HLA-DPA1: variants seen among roughly 807,000 people sequenced by gnomAD.
HLA-DPA1 encodes the protein HLA class II histocompatibility antigen, DP alpha 1 chain.
Under a neutral mutation model 21.5 loss-of-function variants are expected in HLA-DPA1, and 20 were observed. The ratio of observed to expected loss-of-function variants is 0.93; its 90% CI spans 0.66 to 1.35. The LOEUF (loss-of-function observed/expected upper bound fraction) is 1.35. HLA-DPA1 is among the 40% of genes most tolerant of loss of function. The pLI is 0.00. For synonymous variants in HLA-DPA1, 123 were observed against 129.6 expected, an observed-to-expected ratio of 0.95 and a Z score of 0.35; for missense variants, 279 against 323.0, an observed-to-expected ratio of 0.86 and a Z score of 1.05.
intron 5 of HLA-DPA1, chr6:33,067,079 A>G (rs1026645639): frequency 2.0e-5 from 3 of 152,190 alleles, no homozygotes; most frequent in Non-Finnish European, 4.4e-5. Flanking sequence ...CATTCCAGGG[A>G]TGCAGGTCAG....
chr6:33,068,669 C>CG lies in HLA-DPA1; in HGVS notation c.763dup (p.Arg255ProfsTer22). Reference sequence around the variant, plus strand: ...AGTATTTCACAGGGTCCCCTGGGCCCGGGGGTCATGGCCAGAACGCAGAGA... The same window carrying CG: ...AGTATTTCACAGGGTCCCCTGGGCCCGGGGGGTCATGGCCAGAACGCAGAGA... On this transcript the variant is annotated frameshift_variant, in exon 5 of 6. Coordinates refer to ENST00000419277, the Ensembl canonical transcript of HLA-DPA1. LOFTEE classifies it high-confidence loss of function. 6.2e-7 allele frequency: 1 copy of CG among 1,612,676 alleles called. No homozygotes were observed. Among genetic ancestry groups the CG allele is most frequent in the Non-Finnish European group, 8.5e-7 (1 of 1,179,874 alleles).
intron 2 of HLA-DPA1, among the ~76,000 whole-genome samples, chr6:33,070,722 A>C (rs115439765): frequency 0.012 from 1,829 of 152,276 alleles, 13 homozygotes; most frequent in South Asian, 0.049. Context: ...CATTTATTTT[A>C]TGTTCAGGAG....
At position 33,067,429 on chromosome 6, in the gene HLA-DPA1, C is replaced by T. The variant is rs148971235; in HGVS notation, c.*12+1209G>A. 1.3e-3 allele frequency: 193 copies of T among 152,308 alleles called. 1 individual carries two copies. Among genetic ancestry groups the T allele is most frequent in the Non-Finnish European group, 2.3e-3 (157 of 68,030 alleles). 9.4% of individuals were successfully genotyped at this position (152,308 alleles called of 1,614,324 possible). On this transcript the variant is annotated intron_variant, in intron 5 of 5. Coordinates refer to ENST00000419277, the Ensembl canonical transcript of HLA-DPA1. ...TTTCTCCCTCTATGACCATGTGATG[C>T]ACTGGCTCCACTTGCCTTCCACCAT...
intron 2 of HLA-DPA1, among the ~76,000 whole-genome samples, chr6:33,070,583 A>T (rs1295492526): frequency 6.6e-6 from 1 of 152,242 alleles, no homozygotes; most frequent in Non-Finnish European, 1.5e-5. Context: ...TTAGTTTATG[A>T]ACATGAAACT....
chr6:33,065,746 T>C (rs1029943535), intron 5 of HLA-DPA1: 1 of 146,132 alleles, frequency 6.8e-6, no homozygotes, highest in South Asian at 2.2e-4. Context: ...TTGTGTATAC[T>C]GCTCTTTGAA....
chr6:33,074,285 C>T (rs1317513431), intron 1 of HLA-DPA1, among the ~76,000 whole-genome samples: 1 of 152,066 alleles, frequency 6.6e-6, no homozygotes, highest in Non-Finnish European at 1.5e-5. Flanking sequence ...GGTATTTAAA[C>T]AGTGTAATAA....
intron 2 of HLA-DPA1, among the ~76,000 whole-genome samples, chr6:33,070,636 A>G (rs1344040807): frequency 6.6e-6 from 1 of 152,232 alleles, no homozygotes; most frequent in African/African-American, 2.4e-5. Context: ...CATTTGGGGC[A>G]TATAAATTCA....
exon 4 of HLA-DPA1, chr6:33,069,036 G>T (rs759952653): frequency 2.5e-6 from 4 of 1,612,826 alleles, no homozygotes; most frequent in Non-Finnish European, 2.5e-6. Flanking sequence ...CTTGAGGAGC[G>T]GCTGGTCCAA....
chr6:33,073,422 A>G (rs1295139434), intron 2 of HLA-DPA1, 49 bp downstream of exon 1: 1 of 921,884 alleles, frequency 1.1e-6, no homozygotes, highest in African/African-American at 1.6e-5. Flanking sequence ...ATTGATGTGA[A>G]CCACCCCATC....
In HLA-DPA1 at chr6:33,076,163, T is replaced by C. The variant is rs148357738; in HGVS notation, c.-99-2494A>G. On this transcript the variant is annotated intron_variant, in intron 1 of 5. Transcript: ENST00000419277. Reference sequence around the variant, plus strand: ...CCAGGTAAGAGCCGAACTGCCATTCTTGGAGGGTCTGGCTCAGGGAACAAT... The same window carrying C: ...CCAGGTAAGAGCCGAACTGCCATTCCTGGAGGGTCTGGCTCAGGGAACAAT... 1,971 of 1,511,456 alleles carry C rather than the reference T, an allele frequency of 1.3e-3. 34 individuals are homozygous for C. The highest frequency in any genetic ancestry group is 0.013 in the East Asian group (573 of 43,972). 93.6% of individuals were successfully genotyped at this position (1,511,456 alleles called of 1,614,324 possible).
rs1302868311 is a variant in HLA-DPA1 at position 33,080,049 on chromosome 6, C to T, written c.-100+631G>A. Among the ~76,000 whole-genome samples, 1 of 152,172 alleles carries T rather than the reference C, an allele frequency of 6.6e-6. No homozygotes were observed. Among genetic ancestry groups the T allele is most frequent in the Non-Finnish European group, 1.5e-5 (1 of 68,026 alleles). ...TTCTGCAGCCATGTTTGAAAATTAACTTTCAGGCTACAGAGTCTTTCTTAT... is the reference window on the plus strand; with the variant it reads ...TTCTGCAGCCATGTTTGAAAATTAATTTTCAGGCTACAGAGTCTTTCTTAT... On this transcript the variant is annotated intron_variant, in intron 1 of 5. Coordinates refer to ENST00000419277, the Ensembl canonical transcript of HLA-DPA1. The surrounding 1 kb of genome is among the most constrained non-coding windows in gnomAD (Gnocchi z 4.3).
At chr6:33,070,999 G>C (rs1458993256) in intron 2 of HLA-DPA1, among the ~76,000 whole-genome samples, 1 of 152,180 alleles carries the variant, frequency 6.6e-6, no homozygotes, top group Non-Finnish European at 1.5e-5. Context: ...CGATGAATGT[G>C]TATGTGAAAG....
chr6:33,073,629 C>T (rs932782621), exon 2 of HLA-DPA1: 63 of 1,213,678 alleles, frequency 5.2e-5, no homozygotes, highest in Non-Finnish European at 7.1e-5. Context: ...GAACTGAGGC[C>T]GAGTGGAGGC....
chr6:33,068,664 G>C, exon 5 of HLA-DPA1: 1 of 1,612,520 alleles, frequency 6.2e-7, no homozygotes, highest in Non-Finnish European at 8.5e-7. Context: ...AGGGTCCCCT[G>C]GGCCCGGGGG....
intron 1 of HLA-DPA1, chr6:33,079,687 G>A: frequency 2.0e-6 from 1 of 495,546 alleles, no homozygotes; most frequent in Non-Finnish European, 4.0e-6. Context: ...AGAAGTTTCT[G>A]GTCCACAGCC....
chr6:33,069,022 A>G (rs760991360), exon 4 of HLA-DPA1: 20 of 1,612,710 alleles, frequency 1.2e-5, no homozygotes, highest in Non-Finnish European at 3.4e-6. Context: ...TGCATACCCC[A>G]GTGCTTGAGG....
Position 33,069,071 on chromosome 6 carries a change from A to T in HLA-DPA1, c.576T>A (p.Tyr192Ter). The change falls in exon 4 of 6, where the codon TAT becomes TAA. Residue 192 changes from tyrosine to a stop codon, truncating the protein, a stop_gained. Coordinates refer to ENST00000419277, the Ensembl canonical transcript of HLA-DPA1. LOFTEE classifies it high-confidence loss of function. The stretch of plus-strand genomic sequence containing the variant: ...AGCCCCAGTGCTCCACCCTGCAGTC[A>T]TAGAAGTCCTCTGCTGAGGGCACAA... The T allele has an allele frequency of 6.2e-7, 1 of 1,613,068 alleles. No individual in the cohort carries two copies. The highest frequency in any genetic ancestry group is 8.5e-7 in the Non-Finnish European group (1 of 1,180,002).
In HLA-DPA1 at chr6:33,074,583, G is replaced by A. The variant is rs142124981; in HGVS notation, c.-99-914C>T. Among the ~76,000 whole-genome samples the A allele has an allele frequency of 3.5e-3, 526 of 152,206 alleles. 3 individuals are homozygous for A. The highest frequency in any genetic ancestry group is 0.025 in the East Asian group (128 of 5,184). ...ATTTACTATTTAATGTAATGATGAA[G>A]TACATATATTACGTTAATATTTTAT... On this transcript the variant is annotated intron_variant, in intron 1 of 5. Transcript: ENST00000419277.
chr6:33,068,777 T>C, exon 5 of HLA-DPA1: 1 of 1,613,038 alleles, frequency 6.2e-7, no homozygotes, highest in Non-Finnish European at 8.5e-7. Context: ...CTCCGTTGTC[T>C]CAGGCATCTG....
Sources: gnomAD v4.1 joint callset for allele counts (sites outside exome capture counted in the v4.1 genomes callset) on GRCh38, gnomAD v4.1.1 for gene constraint, Gnocchi (gnomAD v3.1) non-coding constraint, MANE v1.5 for transcripts, NCBI Gene and HGNC (gene_info 2026-07-23, HGNC 2026-07-21) for gene names.